The following ZNF440 variants were observed in gnomAD, a reference collection of about 807,000 sequenced individuals.
ZNF440 encodes the protein zinc finger protein 440.
Under a neutral mutation model 49.7 loss-of-function variants are expected in ZNF440, and 47 were observed. The ratio of observed to expected loss-of-function variants is 0.95; its 90% confidence interval spans 0.75 to 1.21. The LOEUF (loss-of-function observed/expected upper bound fraction) is 1.21. ZNF440 is among the 50% of genes most tolerant of loss of function. The pLI, the probability that ZNF440 is intolerant of heterozygous loss-of-function variation, is 0.00. For missense variants in ZNF440, 703 were observed against 715.0 expected (o/e 0.98, Z 0.19); for synonymous variants, 255 against 237.7 (o/e 1.07, Z -0.67).
At position 11,832,927 on chromosome 19, in the gene ZNF440, G is replaced by A; in HGVS notation, c.1751G>A (p.Arg584Lys). The A allele has an allele frequency of 6.2e-7, 1 of 1,609,444 alleles. No individual in the cohort carries two copies. The highest frequency in any genetic ancestry group is 8.5e-7 in the Non-Finnish European group (1 of 1,178,772). Residue 584 changes from arginine to lysine, a missense_variant, in exon 4 of 4, where the codon AGA becomes AAA. By Grantham distance (26) the Arg-to-Lys change is conservative. Coordinates refer to ENST00000304060, the MANE Select transcript of ZNF440 (RefSeq NM_152357.3). Reference sequence around the variant, plus strand: ...GTGGGAAACCCTTCGGATCTGCCCAGAACCTTCGAATTCATGAAAGGACAC... The same window carrying A: ...GTGGGAAACCCTTCGGATCTGCCCAAAACCTTCGAATTCATGAAAGGACAC... ...RNVGNPSDLP[R>K]TFEFMKGHKH... is the part of the protein sequence containing the mutation.
At position 11,835,184 on chromosome 19, in the gene ZNF440, T is replaced by C. The variant is rs1007748834; in HGVS notation, c.*2220T>C. On this transcript the variant is annotated 3_prime_UTR_variant, in exon 4 of 4. Coordinates refer to ENST00000304060, the MANE Select transcript of ZNF440 (RefSeq NM_152357.3). ...ATGGAGACCATCCTGGCCAACACAG[T>C]GAAACCCAGTCTCTACTAAAAAATA... 2.0e-5 allele frequency: 3 copies of C among 152,078 alleles called. No homozygotes were observed. The highest frequency in any genetic ancestry group is 7.3e-5 in the African/African-American group (3 of 41,376). The allele number at this position is 152,078 out of a possible 1,614,324, so 9.4% of individuals were successfully genotyped here.
At chr19:11,825,904 C>T (rs1348869053) in intron 1 of ZNF440, among the ~76,000 whole-genome samples, 1 of 151,504 alleles carries the variant, frequency 6.6e-6, no homozygotes, top group Non-Finnish European at 1.5e-5. Flanking sequence ...CACCCTCCAC[C>T]TCCCAGGTTC....
At position 11,831,690 on chromosome 19, in the gene ZNF440, A is replaced by T. The variant is rs771012865; in HGVS notation, c.514A>T (p.Asn172Tyr). 9 of 1,613,648 alleles carry T rather than the reference A, an allele frequency of 5.6e-6. No individual in the cohort carries two copies. Among genetic ancestry groups the T allele is most frequent in the East Asian group, 2.2e-5 (1 of 44,842 alleles). Residue 172 changes from asparagine (N) to tyrosine (Y), a missense_variant, in exon 4 of 4, where the codon AAT becomes TAT. Transcript: ENST00000304060. ...QERDHTGEKP[N>Y]ACKVCGKTFI... ...AAGGGATCACACTGGAGAGAAACCCAATGCTTGTAAAGTATGTGGAAAAAC... is the reference window on the plus strand; with the variant it reads ...AAGGGATCACACTGGAGAGAAACCCTATGCTTGTAAAGTATGTGGAAAAAC...
intron 1 of ZNF440, chr19:11,830,040 A>G (rs1010323419): frequency 5.1e-5 from 35 of 681,578 alleles, no homozygotes; most frequent in Non-Finnish European, 2.7e-5. Context: ...AAGAAGTGCT[A>G]GAACCCCGGC....
rs531628221 is a variant in ZNF440 at position 11,833,345 on chromosome 19, G to A, written c.*381G>A. 4 of 490,902 alleles carry A rather than the reference G, an allele frequency of 8.1e-6. No individual in the cohort carries two copies. Among genetic ancestry groups the A allele is most frequent in the South Asian group, 8.1e-5 (4 of 49,238 alleles). The allele number at this position is 490,902 out of a possible 1,614,324, so 30.4% of individuals were successfully genotyped here. Reference sequence around the variant, plus strand: ...CTGTGAATGTAAGCATTGTGGGAAAGCATTCATATCTGCCAAGATCCTTTG... The same window carrying A: ...CTGTGAATGTAAGCATTGTGGGAAAACATTCATATCTGCCAAGATCCTTTG... On this transcript the variant is annotated 3_prime_UTR_variant, in exon 4 of 4. Coordinates refer to ENST00000304060, the MANE Select transcript of ZNF440 (RefSeq NM_152357.3).
chr19:11,832,982 C>T lies in ZNF440; in HGVS notation c.*18C>T, dbSNP rs1391869119. On this transcript the variant is annotated 3_prime_UTR_variant, in exon 4 of 4. Coordinates refer to ENST00000304060, the MANE Select transcript of ZNF440 (RefSeq NM_152357.3). ...ACACATAATGCACTCTGTAGAGAGA[C>T]CTTATAAATGTAAGATATGTGGGAG... 1.9e-6 allele frequency: 3 copies of T among 1,602,210 alleles called. No individual in the cohort carries two copies. The highest frequency in any genetic ancestry group is 2.5e-6 in the Non-Finnish European group (3 of 1,177,690).
At chr19:11,822,759 A>G (rs1975814119) in intron 1 of ZNF440, among the ~76,000 whole-genome samples, 1 of 150,036 alleles carries the variant, frequency 6.7e-6, no homozygotes, top group South Asian at 2.1e-4. Context: ...AAACAGGAGA[A>G]TCACGAGAAC....
At chr19:11,824,995 C>A (rs1975845676) in intron 1 of ZNF440, among the ~76,000 whole-genome samples, 1 of 151,872 alleles carries the variant, frequency 6.6e-6, no homozygotes, top group Non-Finnish European at 1.5e-5. Flanking sequence ...GCGTGAGCCA[C>A]CGTACCCAGC....
chr19:11,821,919 A>C (rs1975804792), intron 1 of ZNF440, among the ~76,000 whole-genome samples: 1 of 152,262 alleles, frequency 6.6e-6, no homozygotes, highest in Non-Finnish European at 1.5e-5. Flanking sequence ...AGATGAGGGC[A>C]GCACAGCTGC....
chr19:11,822,523 A>G (rs1379381924), intron 1 of ZNF440, among the ~76,000 whole-genome samples: 1 of 152,132 alleles, frequency 6.6e-6, no homozygotes, highest in Admixed American at 6.6e-5. Context: ...GGCTGGCAAT[A>G]CCTGGTTTGT....
chr19:11,814,517 G>A (rs994907826), intron 1 of ZNF440, 67 bp downstream of exon 1: 3 of 1,409,604 alleles, frequency 2.1e-6, no homozygotes, highest in Non-Finnish European at 2.8e-6. Context: ...AACCGGCTGA[G>A]GCGGGACCCG....
chr19:11,833,670 A>T lies in ZNF440; in HGVS notation c.*706A>T, dbSNP rs1062259. The T allele has an allele frequency of 6.7e-6, 3 of 446,496 alleles. No homozygotes were observed. Among genetic ancestry groups the T allele is most frequent in the East Asian group, 1.2e-4 (2 of 17,280 alleles). 27.7% of individuals were successfully genotyped at this position (446,496 alleles called of 1,614,324 possible). ...AGAGAAACCCTATGAGTGTATGCCA[A>T]GTGGGAAAGCCTTCATTTCTTCTAG... is the stretch of plus-strand genomic sequence containing the variant. On this transcript the variant is annotated 3_prime_UTR_variant, in exon 4 of 4. Coordinates refer to ENST00000304060, the MANE Select transcript of ZNF440 (RefSeq NM_152357.3).
chr19:11,832,312 A>C lies in ZNF440; in HGVS notation c.1136A>C (p.His379Pro). The C allele has an allele frequency of 6.2e-7, 1 of 1,614,082 alleles. No individual in the cohort carries two copies. Among genetic ancestry groups the C allele is most frequent in the Non-Finnish European group, 8.5e-7 (1 of 1,180,028 alleles). Residue 379 changes from histidine (H) to proline (P), a missense_variant, in exon 4 of 4, where the codon CAT (histidine) becomes CCT (proline). Physicochemically the swap from His to Pro is moderately conservative, Grantham distance 77. Transcript: ENST00000304060. The part of the protein sequence containing the change: ...KCKQCGKAFP[H>P]SSSLRYHERT... ...AAGCAGTGTGGTAAAGCCTTCCCTC[A>C]TTCCAGTTCCCTTCGATATCATGAA...
chr19:11,832,966 G>A lies in ZNF440; in HGVS notation c.*2G>A. 5.0e-6 allele frequency: 8 copies of A among 1,607,004 alleles called. No homozygotes were observed. The highest frequency in any genetic ancestry group is 5.9e-6 in the Non-Finnish European group (7 of 1,178,496). On this transcript the variant is annotated 3_prime_UTR_variant, in exon 4 of 4. Coordinates refer to ENST00000304060, the MANE Select transcript of ZNF440 (RefSeq NM_152357.3). ...ATGAAAGGACACAAACACACATAAT[G>A]CACTCTGTAGAGAGACCTTATAAAT...
chr19:11,814,853 A>G (rs1230334147), intron 1 of ZNF440, among the ~76,000 whole-genome samples: 1 of 152,184 alleles, frequency 6.6e-6, no homozygotes. Flanking sequence ...CAGTCACAAG[A>G]GCACAGCGAG....
At position 11,831,508 on chromosome 19, in the gene ZNF440, G is replaced by T. The variant is rs1222004662; in HGVS notation, c.332G>T (p.Cys111Phe). 2 of 1,613,920 alleles carry T rather than the reference G, an allele frequency of 1.2e-6. No homozygotes were observed. Among genetic ancestry groups the T allele is most frequent in the African/African-American group, 1.3e-5 (1 of 74,916 alleles). The change falls in exon 4 of 4, where the codon TGT (cysteine) becomes TTT (phenylalanine). Residue 111 changes from cysteine (C) to phenylalanine (F), a missense_variant. By Grantham distance (205) the Cys-to-Phe change is radical (BLOSUM62 -2). Transcript: ENST00000304060. ...GTAAAATCATGTGAAAGCTTTGTGT[G>T]TGGAGAAGTTGGCCTAGGTAACTCA... is the stretch of plus-strand genomic sequence containing the variant. ...PEVKSCESFV[C>F]GEVGLGNSSF...
At chr19:11,824,828 C>G (rs963318564) in intron 1 of ZNF440, among the ~76,000 whole-genome samples, 4 of 151,810 alleles carry the variant, frequency 2.6e-5, no homozygotes, top group Non-Finnish European at 5.9e-5. Context: ...CTGCCTCAGC[C>G]TCCCGAGTAG....
At chr19:11,831,344 T>A in intron 3 of ZNF440, 24 bp from the exon 4 acceptor site, 1 of 1,594,106 alleles carries the variant, frequency 6.3e-7, no homozygotes, top group Non-Finnish European at 8.5e-7. Context: ...AAACCCTTCA[T>A]AATATGCTTC....
intron 2 of ZNF440, 103 bp downstream of exon 2, chr19:11,830,512 T>G: frequency 1.3e-6 from 2 of 1,599,806 alleles, no homozygotes; most frequent in Non-Finnish European, 1.7e-6. Context: ...AATACTTTGA[T>G]GAATAAATGA....
Sources: allele counts gnomAD v4.1 joint callset (sites outside exome capture counted in the v4.1 genomes callset), GRCh38; gene constraint gnomAD v4.1.1; transcripts MANE v1.5; gene names NCBI Gene and HGNC (gene_info 2026-07-23, HGNC 2026-07-21).